FAM227B: variants seen among roughly 807,000 people sequenced by gnomAD.
The protein encoded by FAM227B is family with sequence similarity 227 member B, also known as protein FAM227B.
In FAM227B, 88 loss-of-function variants were observed where a neutral mutation model predicts 73.8. The ratio of observed to expected loss-of-function variants is 1.19; its 90% CI spans 1.00 to 1.42. FAM227B has a LOEUF of 1.42. Among genes scored for constraint, FAM227B ranks in the 40% most tolerant of loss-of-function variants. The pLI, the probability that FAM227B is intolerant of heterozygous loss-of-function variation, is 0.00. For synonymous variants in FAM227B, 210 were observed against 190.5 expected (o/e 1.10, Z -0.84); for missense variants, 632 against 590.9 (o/e 1.07, Z -0.72).
chr15:49,600,552 G>A (rs2077128007), intron 3 of FAM227B, among the ~76,000 whole-genome samples: 1 of 151,160 alleles, frequency 6.6e-6, no homozygotes, highest in South Asian at 2.1e-4. Context: ...TACTCAGGAG[G>A]CTGAGGCAGG....
chr15:49,511,264 T>C (rs957294201), intron 10 of FAM227B, among the ~76,000 whole-genome samples: 30 of 152,084 alleles, frequency 2.0e-4, no homozygotes, highest in African/African-American at 6.5e-4. Context: ...TGGTCTTCAG[T>C]CTTTATTCTT....
chr15:49,354,623 G>C (rs2042800607), intron 13 of FAM227B, among the ~76,000 whole-genome samples: 1 of 152,232 alleles, frequency 6.6e-6, no homozygotes, highest in Non-Finnish European at 1.5e-5. Flanking sequence ...CTGATTGCTA[G>C]CACAGCAGTC....
chr15:49,366,454 AT>A (rs1001189803), intron 13 of FAM227B: 16 of 973,206 alleles, frequency 1.6e-5, no homozygotes, highest in Non-Finnish European at 2.5e-5. Context: ...CAGGAGGAAC[AT>A]CAGAAAGGTT....
At chr15:49,329,368 C>T (rs1354850066) in intron 15 of FAM227B, 1 of 985,220 alleles carries the variant, frequency 1.0e-6, no homozygotes. Context: ...TGCTGAAATA[C>T]TCAGGTAATT....
At chr15:49,609,391 GCAA>G (rs1275824813) in intron 3 of FAM227B, among the ~76,000 whole-genome samples, 1 of 151,594 alleles carries the variant, frequency 6.6e-6, no homozygotes, top group African/African-American at 2.4e-5. Context: ...GTAGGAACTG[GCAA>G]AAAAGAGAGG....
At chr15:49,480,341 C>T (rs1481599235) in intron 11 of FAM227B, among the ~76,000 whole-genome samples, 1 of 152,034 alleles carries the variant, frequency 6.6e-6, no homozygotes, top group Non-Finnish European at 1.5e-5. Flanking sequence ...GACAGAGCCT[C>T]ACTCCACCCA....
chr15:49,518,758 G>T (rs2059565553), intron 10 of FAM227B, among the ~76,000 whole-genome samples: 1 of 152,114 alleles, frequency 6.6e-6, no homozygotes, highest in Non-Finnish European at 1.5e-5. Flanking sequence ...TTCAAGATGA[G>T]ATTTGGGTGG....
intron 6 of FAM227B, 35 bp from the exon 7 acceptor site, chr15:49,576,880 T>C: frequency 2.3e-6 from 3 of 1,283,538 alleles, no homozygotes; most frequent in Non-Finnish European, 3.4e-6. Context: ...AGAGTAAATA[T>C]TTCACTCTTC....
intron 11 of FAM227B, among the ~76,000 whole-genome samples, chr15:49,404,165 A>G (rs1444933633): frequency 1.3e-5 from 2 of 151,998 alleles, no homozygotes; most frequent in Non-Finnish European, 2.9e-5. Flanking sequence ...TTGCTGAGGA[A>G]TGTTCTGTGT....
chr15:49,366,693 TGGGTGGC>T, intron 13 of FAM227B: 1 of 1,443,038 alleles, frequency 6.9e-7, no homozygotes, highest in Non-Finnish European at 9.6e-7. Flanking sequence ...ATCGGACTGG[TGGGTGGC>T]GGGTGGGGTG....
At chr15:49,547,853 T>C (rs1303017171) in intron 9 of FAM227B, among the ~76,000 whole-genome samples, 2 of 152,206 alleles carry the variant, frequency 1.3e-5, no homozygotes, top group Non-Finnish European at 1.5e-5. Context: ...AGAAATTAGA[T>C]ATACAGCAAC....
In FAM227B at chr15:49,466,266, C is replaced by A. The variant is rs1201716574; in HGVS notation, c.1012+41945G>T. Among the ~76,000 whole-genome samples the A allele has an allele frequency of 2.0e-5, 3 of 152,144 alleles. No individual in the cohort carries two copies. In the East Asian group the frequency reaches 5.8e-4, roughly 29 times the overall value. Reference sequence around the variant, plus strand: ...AACCTGAAAATCTTTTAGAGTTCATCTTGTGATTCCATGCAATCAGTCCAT... The same window carrying A: ...AACCTGAAAATCTTTTAGAGTTCATATTGTGATTCCATGCAATCAGTCCAT... On this transcript the variant is annotated intron_variant, in intron 11 of 15. Transcript: ENST00000299338.
At chr15:49,597,210 C>T (rs570600911) in intron 3 of FAM227B, among the ~76,000 whole-genome samples, 19 of 151,956 alleles carry the variant, frequency 1.3e-4, no homozygotes, top group Non-Finnish European at 2.8e-4. Context: ...CAAGATAGAC[C>T]ATGTGACAGG....
chr15:49,375,611 A>C (rs557843565), intron 11 of FAM227B, among the ~76,000 whole-genome samples: 1 of 152,274 alleles, frequency 6.6e-6, no homozygotes, highest in East Asian at 1.9e-4. Context: ...AGTAGCTTTT[A>C]AGCTTAAGAT....
At chr15:49,566,702 C>T (rs1013943447) in intron 9 of FAM227B, among the ~76,000 whole-genome samples, 2 of 152,168 alleles carry the variant, frequency 1.3e-5, no homozygotes, top group African/African-American at 4.8e-5. Context: ...GGCTCTCACA[C>T]ATAAATGCAT....
In FAM227B at chr15:49,354,878, T is replaced by C. The variant is rs553952296; in HGVS notation, c.1271+12570A>G. Among the ~76,000 whole-genome samples, 176 of 151,916 alleles carry C rather than the reference T, an allele frequency of 1.2e-3. 1 individual carries two copies. The highest frequency in any genetic ancestry group is 2.2e-3 in the Admixed American group (34 of 15,260). On this transcript the variant is annotated intron_variant, in intron 13 of 15. Transcript: ENST00000299338. ...GAAGAGAGCAGTGGTTCTCCCAGCA[T>C]GCAGCTGGAGATCTGAGAACGGGCA...
intron 11 of FAM227B, among the ~76,000 whole-genome samples, chr15:49,413,063 G>C (rs148411975): frequency 6.6e-6 from 1 of 152,112 alleles, no homozygotes; most frequent in African/African-American, 2.4e-5. Context: ...TGGACATCTG[G>C]AATTTAACCT....
At chr15:49,367,351 T>C (rs993436315) in intron 13 of FAM227B, 97 bp downstream of exon 13, 5 of 1,055,738 alleles carry the variant, frequency 4.7e-6, no homozygotes, top group Admixed American at 2.8e-5. Context: ...TGATAAAACA[T>C]GCATTCAATT....
intron 11 of FAM227B, among the ~76,000 whole-genome samples, chr15:49,462,885 T>G (rs1361444905): frequency 6.6e-6 from 1 of 152,224 alleles, no homozygotes; most frequent in Non-Finnish European, 1.5e-5. Flanking sequence ...AAATACATTT[T>G]ATTCTCTAGG....
Sources: allele counts gnomAD v4.1 joint callset (sites outside exome capture counted in the v4.1 genomes callset), GRCh38; gene constraint gnomAD v4.1.1; transcripts MANE v1.5; gene names NCBI Gene and HGNC (gene_info 2026-07-23, HGNC 2026-07-21).